Variants in TTC21A observed in about 807,000 individuals in gnomAD.
The protein encoded by TTC21A is tetratricopeptide repeat domain 21A.
In TTC21A, 128 loss-of-function variants were observed where a neutral mutation model predicts 156.4. That is an observed-to-expected ratio of 0.82 (90% CI 0.71 to 0.95). TTC21A has a LOEUF of 0.95. TTC21A is among the 40% of genes least tolerant of loss of function. The probability of loss-of-function intolerance (pLI) is 0.00; values close to 1 mark genes in which losing one functional copy is unlikely to be tolerated. For synonymous variants in TTC21A, 587 were observed against 617.1 expected (o/e 0.95, Z 0.72); for missense variants, 1,435 against 1,602.3 (o/e 0.90, Z 1.78).
chr3:39,116,216 C>T (rs560919332), intron 6 of TTC21A, among the ~76,000 whole-genome samples: 18 of 152,368 alleles, frequency 1.2e-4, no homozygotes, highest in African/African-American at 4.3e-4. Context: ...GGAAGCTTTC[C>T]CAGTTAGTGG....
In TTC21A at chr3:39,129,319, C is replaced by T. The variant is rs1298832192; in HGVS notation, c.2135+9C>T. 6.3e-7 allele frequency: 1 copy of T among 1,587,272 alleles called. No homozygotes were observed. The highest frequency in any genetic ancestry group is 8.7e-7 in the Non-Finnish European group (1 of 1,155,660). ...TACATCAGATGCTACCGGTAAGCCC[C>T]ACAGGCAGCACAATGACAGCTTCTT... is the stretch of plus-strand genomic sequence containing the variant. On this transcript the variant is annotated intron_variant, in intron 15 of 28. Transcript: ENST00000683103.
Position 39,125,351 on chromosome 3 carries a change from C to T in TTC21A, c.1211C>T (p.Ala404Val). The T allele has an allele frequency of 6.2e-7, 1 of 1,614,098 alleles. No individual in the cohort carries two copies. Among genetic ancestry groups the T allele is most frequent in the Non-Finnish European group, 8.5e-7 (1 of 1,180,008 alleles). The change falls in exon 11 of 29, where the codon GCC becomes GTC. Residue 404 changes from alanine to valine, a missense_variant. Ala to Val is a moderately conservative substitution (Grantham distance 64). Transcript: ENST00000683103. ...CCACAGGTGCTAATTTTCCTCCAAGCCCTCCTGATGTCCAGGAAGCACAAG... is the reference window on the plus strand; with the variant it reads ...CCACAGGTGCTAATTTTCCTCCAAGTCCTCCTGATGTCCAGGAAGCACAAG... ...GKSEVLIFLQ[A>V]LLMSRKHKGE... is the part of the protein sequence containing the mutation.
In TTC21A at chr3:39,136,401, A is replaced by C; in HGVS notation, c.2989A>C (p.Ser997Arg). 6.2e-7 allele frequency: 1 copy of C among 1,614,154 alleles called. No homozygotes were observed. Among genetic ancestry groups the C allele is most frequent in the Non-Finnish European group, 8.5e-7 (1 of 1,180,010 alleles). Residue 997 changes from serine (S) to arginine (R), a missense_variant, in exon 23 of 29, where the codon AGT becomes CGT. Ser to Arg is a moderately radical substitution (Grantham distance 110, BLOSUM62 -1). Transcript: ENST00000683103. Reference sequence around the variant, plus strand: ...TAAATTAATCGATCTGCTAAGAAGAAGTGGAAAACTTGAAGACATTCCTGC... The same window carrying C: ...TAAATTAATCGATCTGCTAAGAAGACGTGGAAAACTTGAAGACATTCCTGC... ...LHKLIDLLRRSGKLEDIPAFF... is the reference protein window; with the variant it reads ...LHKLIDLLRRRGKLEDIPAFF...
At chr3:39,128,144 A>G (rs2038417629) in intron 12 of TTC21A, among the ~76,000 whole-genome samples, 187 bp from the exon 13 acceptor site, 1 of 152,176 alleles carries the variant, frequency 6.6e-6, no homozygotes, top group African/African-American at 2.4e-5. Context: ...TGTCTGAGTC[A>G]AGGAAACAAC....
At chr3:39,112,814 G>T (rs1370885370) in intron 5 of TTC21A, among the ~76,000 whole-genome samples, 2 of 152,098 alleles carry the variant, frequency 1.3e-5, no homozygotes, top group Non-Finnish European at 2.9e-5. Flanking sequence ...TCATTTGCAT[G>T]GGGGTCTTCT....
At chr3:39,116,484 C>CCCCT (rs57899454) in intron 6 of TTC21A, among the ~76,000 whole-genome samples, 2 of 148,734 alleles carry the variant, frequency 1.3e-5, no homozygotes, top group East Asian at 3.9e-4. Flanking sequence ...CTGCCCCCCC[C>CCCCT]TTTTTTTGGG....
At position 39,135,096 on chromosome 3, in the gene TTC21A, A is replaced by G. The variant is rs199707575; in HGVS notation, c.2866A>G (p.Met956Val). The G allele has an allele frequency of 8.1e-5, 130 of 1,610,628 alleles. No individual in the cohort carries two copies. Among genetic ancestry groups the G allele is most frequent in the Non-Finnish European group, 1.1e-4 (129 of 1,178,302 alleles). ...AGCTTTGTGTGTTTTCTGATAGTTGATGGCTGACCTGATGTTTAGAAAACA... is the reference window on the plus strand; with the variant it reads ...AGCTTTGTGTGTTTTCTGATAGTTGGTGGCTGACCTGATGTTTAGAAAACA... The part of the protein sequence containing the change: ...EQNHETASVL[M>V]ADLMFRKQKH... The change falls in exon 22 of 29, where the codon ATG becomes GTG. Residue 956 changes from methionine (M) to valine (V), a missense_variant. By Grantham distance (21) the Met-to-Val change is conservative. Coordinates refer to ENST00000683103, the MANE Select transcript of TTC21A (RefSeq NM_001366900.1).
chr3:39,110,288 C>A (rs1358738756), intron 3 of TTC21A, 149 bp downstream of exon 3: 21 of 703,080 alleles, frequency 3.0e-5, no homozygotes, highest in Non-Finnish European at 4.9e-5. Flanking sequence ...GTGGCTGCTG[C>A]TCCTCTCCCC....
intron 11 of TTC21A, 136 bp from the exon 12 acceptor site, chr3:39,126,125 C>A: frequency 1.8e-6 from 2 of 1,098,428 alleles, no homozygotes; most frequent in Non-Finnish European, 2.7e-6. Flanking sequence ...GCTCTAAGCA[C>A]TAGGTGATAC....
Position 39,128,726 on chromosome 3 carries a change from C to T in TTC21A, c.1690C>T (p.His564Tyr), listed in dbSNP as rs1342138600. 4.3e-6 allele frequency: 7 copies of T among 1,613,946 alleles called. No homozygotes were observed. In the African/African-American group the frequency reaches 5.3e-5, roughly 12 times the overall value. Residue 564 changes from histidine (H) to tyrosine (Y), a missense_variant, in exon 14 of 29, where the codon CAC becomes TAC. Physicochemically the swap from His to Tyr is moderately conservative, Grantham distance 83. Coordinates refer to ENST00000683103, the MANE Select transcript of TTC21A (RefSeq NM_001366900.1). ...GVSHNFQVRD[H>Y]PLYHLIKARA... ...GCTGTGCTCCTCCTAGGTCCGAGAT[C>T]ACCCCCTCTACCACCTCATCAAGGC...
intron 12 of TTC21A, among the ~76,000 whole-genome samples, chr3:39,127,252 G>A (rs78043456): frequency 0.012 from 1,839 of 152,306 alleles, 17 homozygotes; most frequent in Non-Finnish European, 0.019. Context: ...GCTGATCTGT[G>A]GTGTTCTGGG....
chr3:39,129,015 C>T, intron 14 of TTC21A, 57 bp from the exon 15 acceptor site: 1 of 1,607,060 alleles, frequency 6.2e-7, no homozygotes, highest in South Asian at 1.1e-5. Context: ...TTCTTTGATT[C>T]CACCCACTGT....
chr3:39,138,796 C>T lies in TTC21A; in HGVS notation c.*8C>T. The T allele has an allele frequency of 1.2e-6, 2 of 1,612,946 alleles. No individual in the cohort carries two copies. The highest frequency in any genetic ancestry group is 2.2e-5 in the South Asian group (2 of 90,968). The stretch of plus-strand genomic sequence containing the variant: ...AGGTCCCTGAGGCCCTAGCTGGGGT[C>T]AAGGGGCCTGGACCAGTAGAAGCCA... On this transcript the variant is annotated 3_prime_UTR_variant, in exon 29 of 29. Coordinates refer to ENST00000683103, the MANE Select transcript of TTC21A (RefSeq NM_001366900.1).
At chr3:39,112,975 T>A (rs996174407) in intron 5 of TTC21A, among the ~76,000 whole-genome samples, 7 of 152,168 alleles carry the variant, frequency 4.6e-5, no homozygotes, top group Admixed American at 3.3e-4. Flanking sequence ...TCATTTAGTG[T>A]GCCGTAAGAG....
intron 5 of TTC21A, among the ~76,000 whole-genome samples, chr3:39,113,929 G>T (rs2037050265): frequency 6.6e-6 from 1 of 152,192 alleles, no homozygotes; most frequent in Admixed American, 6.5e-5. Flanking sequence ...TCTTAATGGG[G>T]GTTACTGTAG....
intron 3 of TTC21A, 56 bp downstream of exon 3, chr3:39,110,195 C>T (rs1240429847): frequency 1.5e-6 from 2 of 1,363,922 alleles, no homozygotes; most frequent in Admixed American, 1.7e-5. Context: ...AAAGCCCTGC[C>T]CCAGAGATAA....
At chr3:39,111,808 G>C (rs1196520210) in intron 4 of TTC21A, among the ~76,000 whole-genome samples, 1 of 152,182 alleles carries the variant, frequency 6.6e-6, no homozygotes, top group Admixed American at 6.5e-5. Flanking sequence ...AATAGAAAAA[G>C]AGAAATAGAA....
intron 20 of TTC21A, among the ~76,000 whole-genome samples, chr3:39,133,766 G>A (rs762613971): frequency 6.6e-6 from 1 of 152,212 alleles, no homozygotes; most frequent in Non-Finnish European, 1.5e-5. Context: ...TATGTGCCAA[G>A]TACTTTGCCC....
intron 4 of TTC21A, among the ~76,000 whole-genome samples, chr3:39,111,262 T>C (rs963901398): frequency 1.2e-4 from 19 of 152,358 alleles, no homozygotes; most frequent in Admixed American, 1.0e-3. Context: ...CACCATATTC[T>C]TAAGAAATTT....
Sources: gnomAD v4.1 joint callset for allele counts (sites outside exome capture counted in the v4.1 genomes callset) on GRCh38, gnomAD v4.1.1 for gene constraint, MANE v1.5 for transcripts, NCBI Gene and HGNC (gene_info 2026-07-23, HGNC 2026-07-21) for gene names.